The following UBE2D2 variants were observed in gnomAD, a reference collection of about 807,000 sequenced individuals.
UBE2D2 encodes ubiquitin conjugating enzyme E2 D2.
A neutral mutation model predicts 24.2 loss-of-function variants in UBE2D2; 2 were observed. The observed-to-expected ratio is 0.08, with a 90% CI of 0.03 to 0.26. The LOEUF is 0.26. Ranked by LOEUF, UBE2D2 falls within the 10% of genes least tolerant of loss-of-function variation. UBE2D2 has a pLI of 1.00. For synonymous variants in UBE2D2, 58 were observed against 56.5 expected (o/e 1.03, Z -0.12); for missense variants, 44 against 177.6 (o/e 0.25, Z 4.28).
chr5:139,593,406 T>C (rs1008368312), intron 1 of UBE2D2, among the ~76,000 whole-genome samples: 1 of 152,152 alleles, frequency 6.6e-6, no homozygotes, highest in African/African-American at 2.4e-5. Flanking sequence ...ACTTTGTATT[T>C]TGTTTTCTTA....
At chr5:139,586,988 G>T (rs1044238469) in intron 1 of UBE2D2, among the ~76,000 whole-genome samples, 12 of 152,194 alleles carry the variant, frequency 7.9e-5, no homozygotes, top group Non-Finnish European at 1.6e-4. Context: ...TGTTAACAGG[G>T]GTCCTTGCTC....
chr5:139,598,289 TA>T (rs549409465), intron 1 of UBE2D2, among the ~76,000 whole-genome samples: 3 of 152,194 alleles, frequency 2.0e-5, no homozygotes, highest in African/African-American at 7.2e-5. Flanking sequence ...GTTTTGGATT[TA>T]AAAAATCTTA....
intron 1 of UBE2D2, among the ~76,000 whole-genome samples, chr5:139,596,539 G>C (rs1351741831): frequency 1.3e-5 from 2 of 150,492 alleles, no homozygotes; most frequent in African/African-American, 4.9e-5. Flanking sequence ...TGATCCACCC[G>C]CCTTGGCCTC....
chr5:139,613,676 G>A lies in UBE2D2; in HGVS notation c.89-910G>A, dbSNP rs556015595. On this transcript the variant is annotated intron_variant, in intron 2 of 6. Coordinates refer to ENST00000398733, the MANE Select transcript of UBE2D2 (RefSeq NM_003339.3). ...TCTTTCTTTAATGAGGGCCAGTAATGTACAGACCTACACAAGAGTTTTTAG... is the reference window on the plus strand; with the variant it reads ...TCTTTCTTTAATGAGGGCCAGTAATATACAGACCTACACAAGAGTTTTTAG... 2.8e-4 allele frequency among the ~76,000 whole-genome samples: 42 copies of A among 151,334 alleles called. No homozygotes were observed. In the South Asian group the frequency reaches 8.6e-3, roughly 31 times the overall value.
intron 1 of UBE2D2, among the ~76,000 whole-genome samples, chr5:139,537,421 T>A (rs1297009131): frequency 1.3e-5 from 2 of 152,072 alleles, no homozygotes; most frequent in African/African-American, 4.8e-5. Flanking sequence ...TACGATTCAA[T>A]CGATTTTAGT....
intron 1 of UBE2D2, among the ~76,000 whole-genome samples, chr5:139,588,099 G>T (rs1480076788): frequency 6.6e-6 from 1 of 152,048 alleles, no homozygotes; most frequent in Non-Finnish European, 1.5e-5. Flanking sequence ...AAGTGGCTGG[G>T]ATTACAGATG....
upstream of UBE2D2, among the ~76,000 whole-genome samples, chr5:139,557,594 C>A (rs1416130620): frequency 6.6e-6 from 1 of 151,658 alleles, no homozygotes; most frequent in African/African-American, 2.4e-5. Flanking sequence ...CTAAAAAATA[C>A]AAAAATTAGC....
intron 1 of UBE2D2, among the ~76,000 whole-genome samples, chr5:139,563,851 C>T (rs575885429): frequency 2.0e-5 from 3 of 152,020 alleles, no homozygotes; most frequent in Non-Finnish European, 4.4e-5. Flanking sequence ...AGGAGAATGA[C>T]GTGAACCGGG....
rs112857836 is a variant in UBE2D2 at position 139,620,280 on chromosome 5, A to G, written c.305-3088A>G. ...ATCAAGAAGCTAAGTAGTGTACTAA[A>G]AATCTTTTCACAAGGTCCAGATAGC... On this transcript the variant is annotated intron_variant, in intron 5 of 6. Coordinates refer to ENST00000398733, the MANE Select transcript of UBE2D2 (RefSeq NM_003339.3). Among the ~76,000 whole-genome samples the G allele has an allele frequency of 2.2e-3, 340 of 152,356 alleles. 2 individuals are homozygous for G. The highest frequency in any genetic ancestry group is 7.7e-3 in the African/African-American group (320 of 41,584).
At chr5:139,550,624 T>C (rs1159405280) in intron 1 of UBE2D2, among the ~76,000 whole-genome samples, 1 of 152,014 alleles carries the variant, frequency 6.6e-6, no homozygotes, top group Non-Finnish European at 1.5e-5. Context: ...GCTCATTCTT[T>C]GGGTACACAC....
upstream of UBE2D2, chr5:139,561,182 C>G (rs1203577690): frequency 2.6e-5 from 4 of 152,776 alleles, no homozygotes; most frequent in East Asian, 3.9e-4. Flanking sequence ...CAGCGTCACG[C>G]CCTCCGGGGC....
At chr5:139,567,289 G>A (rs564981335) in intron 1 of UBE2D2, among the ~76,000 whole-genome samples, 1 of 152,116 alleles carries the variant, frequency 6.6e-6, no homozygotes, top group South Asian at 2.1e-4. Context: ...TGGTAGAGAC[G>A]GGGTTTCACC....
chr5:139,592,943 G>C (rs1293883205), intron 1 of UBE2D2, among the ~76,000 whole-genome samples: 1 of 135,340 alleles, frequency 7.4e-6, no homozygotes, highest in African/African-American at 3.2e-5. Flanking sequence ...AATCTTAAAA[G>C]AGGTTCAGCT....
At position 139,601,924 on chromosome 5, in the gene UBE2D2, G is replaced by GA. The variant is rs753268686; in HGVS notation, c.88+1498dup. The stretch of plus-strand genomic sequence containing the variant: ...GACTTACTCTCAAAAAAAAAAAAAA[G>GA]AAAAAAAAATTTGTAACATTTAACA... On this transcript the variant is annotated intron_variant, in intron 2 of 6. Coordinates refer to ENST00000398733, the MANE Select transcript of UBE2D2 (RefSeq NM_003339.3). Among the ~76,000 whole-genome samples, 469 of 147,960 alleles carry GA rather than the reference G, an allele frequency of 3.2e-3. 2 individuals are homozygous for GA. Among genetic ancestry groups the GA allele is most frequent in the Non-Finnish European group, 5.5e-3 (370 of 66,748 alleles).
At chr5:139,548,193 A>AAAATAAAAATAAAAAAATAAAAAT (rs1752863909) in intron 1 of UBE2D2, among the ~76,000 whole-genome samples, 1 of 47,104 alleles carries the variant, frequency 2.1e-5, no homozygotes, top group East Asian at 6.6e-4. Flanking sequence ...ATAAAAAAAA[A>AAAATAAAAATAAAAAAATAAAAAT]AAATAAATAA....
chr5:139,542,713 C>T (rs978986404), intron 1 of UBE2D2, among the ~76,000 whole-genome samples: 2 of 152,146 alleles, frequency 1.3e-5, no homozygotes, highest in South Asian at 2.1e-4. Context: ...TAGAAGTAAC[C>T]CAAGTGTCCA....
Position 139,531,076 on chromosome 5 carries a change from A to AG in UBE2D2, c.-64+4471dup, listed in dbSNP as rs368566486. ...CACTAATAAAAAGTGAGAGTCTCAA[A>AG]GGGGGGGAAATGAGGGAAGAGAGAG... On this transcript the variant is annotated intron_variant, in intron 1 of 6. Transcript: ENST00000511725. 2.2e-4 allele frequency among the ~76,000 whole-genome samples: 33 copies of AG among 152,302 alleles called. No homozygotes were observed. The Middle Eastern group carries it at 0.01, about 47-fold the overall frequency.
At chr5:139,548,060 A>C (rs1219897109) in intron 1 of UBE2D2, among the ~76,000 whole-genome samples, 1 of 150,306 alleles carries the variant, frequency 6.7e-6, no homozygotes, top group Non-Finnish European at 1.5e-5. Flanking sequence ...GCACTTTAGG[A>C]GGCTGAAGCA....
chr5:139,569,954 A>G (rs960418431), intron 1 of UBE2D2, among the ~76,000 whole-genome samples: 3 of 152,196 alleles, frequency 2.0e-5, no homozygotes, highest in African/African-American at 7.2e-5. Context: ...GGTTGCTCAT[A>G]CTGCTTGAAA....
Sources: gnomAD v4.1 joint callset for allele counts (sites outside exome capture counted in the v4.1 genomes callset) on GRCh38, gnomAD v4.1.1 for gene constraint, MANE v1.5 for transcripts, NCBI Gene and HGNC (gene_info 2026-07-23, HGNC 2026-07-21) for gene names.